The following EBF2 variants were observed in gnomAD, a reference collection of about 807,000 sequenced individuals.
EBF2 encodes EBF transcription factor 2.
Under a neutral mutation model 72.8 loss-of-function variants are expected in EBF2, and 21 were observed. That is an observed-to-expected ratio of 0.29 (90% CI 0.20 to 0.42). The LOEUF (loss-of-function observed/expected upper bound fraction) is 0.42. EBF2 is among the 10% of genes least tolerant of loss of function. The pLI, the probability that EBF2 is intolerant of heterozygous loss-of-function variation, is 1.00. For synonymous variants in EBF2, 299 were observed against 274.2 expected (o/e 1.09, Z -0.89); for missense variants, 637 against 731.2 (o/e 0.87, Z 1.49).
chr8:25,874,192 T>C (rs548882148), intron 10 of EBF2, among the ~76,000 whole-genome samples: 2 of 152,248 alleles, frequency 1.3e-5, no homozygotes, highest in East Asian at 3.9e-4. Flanking sequence ...AAATGCGAAG[T>C]GGATGAGCTA....
intron 6 of EBF2, among the ~76,000 whole-genome samples, chr8:25,945,829 T>C (rs924002110): frequency 7.2e-5 from 11 of 152,080 alleles, no homozygotes; most frequent in African/African-American, 2.7e-4. Flanking sequence ...TTTATATTTT[T>C]GGAGCTTTAG....
At chr8:26,040,375 T>A (rs990891213) in intron 4 of EBF2, among the ~76,000 whole-genome samples, 11 of 152,004 alleles carry the variant, frequency 7.2e-5, no homozygotes, top group Non-Finnish European at 1.5e-4. Flanking sequence ...ATCCTTTTTG[T>A]TCGCCTCTTA....
chr8:26,025,432 T>C (rs576968667), intron 6 of EBF2, among the ~76,000 whole-genome samples: 2 of 152,264 alleles, frequency 1.3e-5, no homozygotes, highest in South Asian at 4.1e-4. Context: ...AGCAAGTGAA[T>C]GAATGATGGA....
chr8:25,960,891 A>C (rs1804024476), intron 6 of EBF2, among the ~76,000 whole-genome samples: 1 of 152,204 alleles, frequency 6.6e-6, no homozygotes, highest in Admixed American at 6.5e-5. Context: ...TAGACTGTTA[A>C]ACCTGTGGGT....
intron 5 of EBF2, among the ~76,000 whole-genome samples, chr8:26,037,224 A>G (rs1303688883): frequency 6.6e-6 from 1 of 152,142 alleles, no homozygotes; most frequent in East Asian, 1.9e-4. Flanking sequence ...ATCCTGAATC[A>G]TACCTGCATT....
chr8:26,023,569 C>T (rs1482456217), intron 6 of EBF2, among the ~76,000 whole-genome samples: 1 of 152,146 alleles, frequency 6.6e-6, no homozygotes, highest in Non-Finnish European at 1.5e-5. Flanking sequence ...TCGTCTTTCT[C>T]CCTCTTTTCT....
At chr8:25,994,404 G>T (rs927842606) in intron 6 of EBF2, among the ~76,000 whole-genome samples, 44 of 152,088 alleles carry the variant, frequency 2.9e-4, no homozygotes, top group African/African-American at 1.0e-3. Context: ...AGAAATATAG[G>T]CTAAAAAAAC....
chr8:25,887,915 A>G lies in EBF2; in HGVS notation c.809T>C (p.Met270Thr), dbSNP rs1272254170. ...PSEGWTTGGAMVIIIGDNFFD... is the reference protein window; with the variant it reads ...PSEGWTTGGATVIIIGDNFFD... ...GAAGTTGTCCCCGATGATGATGACC[A>G]TGGCTCCTCCTGTGGTCCAGCCTTC... Residue 270 changes from methionine to threonine, a missense_variant, in exon 9 of 16, where the codon ATG becomes ACG. Met to Thr is a moderately conservative substitution (Grantham distance 81). This residue lies in a region of EBF2 where 204 missense variants were observed against 301.2 expected (regional missense o/e 0.68). Transcript: ENST00000520164. The G allele has an allele frequency of 1.9e-6, 3 of 1,613,864 alleles. No homozygotes were observed. The highest frequency in any genetic ancestry group is 2.2e-5 in the South Asian group (2 of 91,030).
chr8:26,041,387 A>G (rs1200088375), intron 2 of EBF2: 3 of 248,660 alleles, frequency 1.2e-5, no homozygotes, highest in Admixed American at 5.0e-5. Context: ...GGGACTTGTC[A>G]TTTGGAAAGG....
chr8:25,934,272 CACA>C (rs1563405463), intron 6 of EBF2, among the ~76,000 whole-genome samples: 22 of 135,676 alleles, frequency 1.6e-4, no homozygotes, highest in Non-Finnish European at 3.0e-4. Flanking sequence ...CACACACACA[CACA>C]CCAATCTTGT....
intron 5 of EBF2, 35 bp from the exon 6 acceptor site, chr8:26,033,188 T>C: frequency 1.9e-6 from 3 of 1,603,140 alleles, no homozygotes; most frequent in East Asian, 2.2e-5. Context: ...GTGAAAGAAA[T>C]TTATTAAATC....
At chr8:26,012,183 A>G (rs754154666) in intron 6 of EBF2, among the ~76,000 whole-genome samples, 1 of 152,146 alleles carries the variant, frequency 6.6e-6, no homozygotes, top group Admixed American at 6.5e-5. Flanking sequence ...TTTTGTCCTT[A>G]AAGTCCAAAG....
At chr8:25,975,812 G>A (rs887171717) in intron 6 of EBF2, among the ~76,000 whole-genome samples, 2 of 152,116 alleles carry the variant, frequency 1.3e-5, no homozygotes, top group Non-Finnish European at 2.9e-5. Flanking sequence ...GATTACTGGG[G>A]AGGGTTAATA....
chr8:25,842,939 C>G lies in EBF2; in HGVS notation c.*1670G>C, dbSNP rs544078594. The G allele has an allele frequency of 6.6e-6, 1 of 152,326 alleles. No homozygotes were observed. The highest frequency in any genetic ancestry group is 1.5e-5 in the Non-Finnish European group (1 of 68,026). 9.4% of individuals were successfully genotyped at this position (152,326 alleles called of 1,614,324 possible). On this transcript the variant is annotated 3_prime_UTR_variant, in exon 16 of 16. Coordinates refer to ENST00000520164, the MANE Select transcript of EBF2 (RefSeq NM_022659.4). ...ACCCCAAACTAAGTCTGTGTATAGA[C>G]TCTATTGTGGTGCTCATGAGTCAAT...
At chr8:25,989,745 T>C (rs1192514843) in intron 6 of EBF2, among the ~76,000 whole-genome samples, 1 of 152,044 alleles carries the variant, frequency 6.6e-6, no homozygotes, top group Non-Finnish European at 1.5e-5. Flanking sequence ...GGCACATGAG[T>C]CTCCCGTTCC....
At chr8:26,030,064 A>T (rs1001372) in intron 6 of EBF2, among the ~76,000 whole-genome samples, 18,416 of 151,932 alleles carry the variant, frequency 0.12, 1,519 homozygotes, top group East Asian at 0.41. Context: ...GGTGTGCACC[A>T]CCACACCTGG....
intron 6 of EBF2, among the ~76,000 whole-genome samples, chr8:25,909,985 T>A (rs766153315): frequency 6.6e-6 from 1 of 152,050 alleles, no homozygotes; most frequent in Non-Finnish European, 1.5e-5. Flanking sequence ...GGGTGGGAGG[T>A]TGGGCTTTGC....
intron 6 of EBF2, among the ~76,000 whole-genome samples, chr8:25,997,468 G>A (rs1009081810): frequency 6.6e-6 from 1 of 151,850 alleles, no homozygotes; most frequent in Non-Finnish European, 1.5e-5. Flanking sequence ...ATATTCAGGA[G>A]GCTGAGGTGG....
chr8:25,980,528 A>G (rs946642490), intron 6 of EBF2, among the ~76,000 whole-genome samples: 1 of 152,162 alleles, frequency 6.6e-6, no homozygotes, highest in African/African-American at 2.4e-5. Context: ...TCCACCATCA[A>G]AAATTCATAA....
Sources: allele counts gnomAD v4.1 joint callset (sites outside exome capture counted in the v4.1 genomes callset), GRCh38; gene constraint gnomAD v4.1.1; regional missense constraint gnomAD v4.1.1; transcripts MANE v1.5; gene names NCBI Gene and HGNC (gene_info 2026-07-23, HGNC 2026-07-21).